NUP93: variants seen among roughly 807,000 people sequenced by gnomAD.
NUP93 encodes the protein nuclear pore complex protein Nup93.
In NUP93, 55 loss-of-function variants were observed where a neutral mutation model predicts 107.8. The observed-to-expected ratio is 0.51, with a 90% confidence interval of 0.41 to 0.64. The LOEUF (loss-of-function observed/expected upper bound fraction) is 0.64, where lower values mean the gene tolerates loss of function less well. Ranked by LOEUF, NUP93 falls within the 30% of genes least tolerant of loss-of-function variation. The probability of loss-of-function intolerance (pLI) is 0.00; values close to 1 mark genes in which losing one functional copy is unlikely to be tolerated. For missense variants in NUP93, 937 were observed against 1,044.7 expected, an observed-to-expected ratio of 0.90 and a Z score of 1.42; for synonymous variants, 390 against 397.5, an observed-to-expected ratio of 0.98 and a Z score of 0.22.
Position 56,844,623 on chromosome 16 carries a change from T to G in NUP93, c.*14T>G, listed in dbSNP as rs116457776. On this transcript the variant is annotated 3_prime_UTR_variant, in exon 22 of 22. Coordinates refer to ENST00000308159, the MANE Select transcript of NUP93 (RefSeq NM_014669.5). ...CTCATGAATTAAGTGCCATGCTTTG[T>G]GGGAGTCTGGGTCGGCACACTGTCA... 8.0e-4 allele frequency: 1,247 copies of G among 1,566,082 alleles called. 8 individuals carry two copies. The African/African-American group carries it at 0.015, about 19-fold the overall frequency.
At chr16:56,756,545 G>A (rs572423531) in intron 2 of NUP93, among the ~76,000 whole-genome samples, 54 of 152,194 alleles carry the variant, frequency 3.5e-4, no homozygotes, top group African/African-American at 1.3e-3. Flanking sequence ...GTCTATCATT[G>A]ATGGGCATTT....
chr16:56,743,553 CT>C (rs1218529308), intron 1 of NUP93, among the ~76,000 whole-genome samples: 3 of 152,056 alleles, frequency 2.0e-5, no homozygotes, highest in Non-Finnish European at 2.9e-5. Flanking sequence ...ACTGCAGCTT[CT>C]GAAAAAAGGT....
Position 56,830,559 on chromosome 16 carries a change from C to A in NUP93, c.959C>A (p.Ala320Glu). The change falls in exon 10 of 22, where the codon GCG becomes GAG. Residue 320 changes from alanine to glutamate, a missense_variant. Transcript: ENST00000308159. ...DGEVEGHPVWALIYYCMRCGD... is the reference protein window; with the variant it reads ...DGEVEGHPVWELIYYCMRCGD... ...GAGGTGGAAGGCCATCCTGTGTGGGCGCTAATTTACTACTGCATGCGCTGT... is the reference window on the plus strand; with the variant it reads ...GAGGTGGAAGGCCATCCTGTGTGGGAGCTAATTTACTACTGCATGCGCTGT... 1 of 1,595,416 alleles carries A rather than the reference C, an allele frequency of 6.3e-7. No homozygotes were observed. Among genetic ancestry groups the A allele is most frequent in the Non-Finnish European group, 8.6e-7 (1 of 1,165,172 alleles).
Position 56,806,609 on chromosome 16 carries a change from CT to C in NUP93, c.489+980del, listed in dbSNP as rs144683499. Among the ~76,000 whole-genome samples the C allele has an allele frequency of 3.2e-3, 480 of 152,266 alleles. 4 individuals carry two copies. Among genetic ancestry groups the C allele is most frequent in the African/African-American group, 0.011 (443 of 41,556 alleles). Reference sequence around the variant, plus strand: ...CATGGCTGTTGGCAAACCTTAGGTCCTTTCTGGCTCTTGGCTGCAGAAATTA... The same window carrying C: ...CATGGCTGTTGGCAAACCTTAGGTCCTTCTGGCTCTTGGCTGCAGAAATTA... On this transcript the variant is annotated intron_variant, in intron 5 of 21. Transcript: ENST00000308159.
intron 2 of NUP93, 57 bp from the exon 3 acceptor site, chr16:56,758,481 A>G: frequency 7.8e-7 from 1 of 1,286,704 alleles, no homozygotes; most frequent in African/African-American, 1.5e-5. Flanking sequence ...TAGATGTCCT[A>G]ATCCTAATCC....
chr16:56,766,650 A>C (rs560763725), intron 3 of NUP93, among the ~76,000 whole-genome samples: 2 of 152,306 alleles, frequency 1.3e-5, no homozygotes, highest in Non-Finnish European at 2.9e-5. Context: ...TGCTTGCCAC[A>C]GCACCTTGTG....
chr16:56,794,741 A>G (rs1370372646), intron 3 of NUP93, among the ~76,000 whole-genome samples: 3 of 151,950 alleles, frequency 2.0e-5, no homozygotes, highest in Non-Finnish European at 4.4e-5. Flanking sequence ...ATCCTGGCTA[A>G]CACGGTGAAA....
intron 3 of NUP93, among the ~76,000 whole-genome samples, chr16:56,789,233 G>A (rs1434243390): frequency 6.6e-6 from 1 of 152,142 alleles, no homozygotes; most frequent in East Asian, 1.9e-4. Context: ...GCCCTTTGCT[G>A]GTCCAGAAGG....
Position 56,805,575 on chromosome 16 carries a change from T to C in NUP93, c.432T>C (p.Ile144=). ...LVEWEQVKQR[I]LHTLLASGED... is the part of the protein sequence containing the mutation. ...AGTGGGAGCAAGTGAAACAGCGAAT[T>C]CTGCACACACTGCTGGCATCAGGAG... The change falls in exon 5 of 22, where the codon ATT becomes ATC. Residue 144 remains isoleucine (I), a synonymous_variant. Coordinates refer to ENST00000308159, the MANE Select transcript of NUP93 (RefSeq NM_014669.5). 2 of 1,614,100 alleles carry C rather than the reference T, an allele frequency of 1.2e-6. No homozygotes were observed. Among genetic ancestry groups the C allele is most frequent in the Non-Finnish European group, 1.7e-6 (2 of 1,179,990 alleles).
intron 3 of NUP93, among the ~76,000 whole-genome samples, chr16:56,771,217 T>TA (rs2144504197): frequency 6.6e-6 from 1 of 152,350 alleles, no homozygotes; most frequent in Admixed American, 6.5e-5. Flanking sequence ...ATTTGTATAA[T>TA]ACTTTACAGT....
chr16:56,801,761 G>C (rs1157923514), intron 4 of NUP93, among the ~76,000 whole-genome samples: 2 of 152,160 alleles, frequency 1.3e-5, no homozygotes, highest in African/African-American at 4.8e-5. Flanking sequence ...TAAATGAGTA[G>C]CCTGGCATAC....
chr16:56,760,164 G>A (rs1368665321), intron 3 of NUP93, among the ~76,000 whole-genome samples: 1 of 152,124 alleles, frequency 6.6e-6, no homozygotes, highest in African/African-American at 2.4e-5. Flanking sequence ...TGGAATGAGC[G>A]CATCAGAGCT....
In NUP93 at chr16:56,848,872, A is replaced by T. The variant is rs1318030785; in HGVS notation, c.*4263A>T. On this transcript the variant is annotated 3_prime_UTR_variant, in exon 22 of 22. Transcript: ENST00000308159. ...CCCAGAGTTGTGCATAATTCTTTAA[A>T]AGTAGGCTCGTTTTTTTCGTTTTTT... The T allele has an allele frequency of 6.6e-6, 1 of 152,200 alleles. No individual in the cohort carries two copies. Among genetic ancestry groups the T allele is most frequent in the African/African-American group, 2.4e-5 (1 of 41,448 alleles). 9.4% of individuals were successfully genotyped at this position (152,200 alleles called of 1,614,324 possible).
At chr16:56,784,400 A>G (rs1359752580) in intron 3 of NUP93, among the ~76,000 whole-genome samples, 1 of 152,228 alleles carries the variant, frequency 6.6e-6, no homozygotes, top group African/African-American at 2.4e-5. Context: ...AAAGATCAAT[A>G]GATTGAGGCT....
At chr16:56,771,593 G>A (rs374819489) in intron 3 of NUP93, among the ~76,000 whole-genome samples, 4 of 152,136 alleles carry the variant, frequency 2.6e-5, no homozygotes, top group African/African-American at 9.7e-5. Context: ...CCTCCAGCAC[G>A]AAAGACTTGC....
intron 5 of NUP93, among the ~76,000 whole-genome samples, chr16:56,806,839 A>T (rs1963152121): frequency 6.6e-6 from 1 of 152,182 alleles, no homozygotes; most frequent in African/African-American, 2.4e-5. Flanking sequence ...AGAGGATTAT[A>T]CAAGGGCTTG....
At chr16:56,833,485 AC>A in intron 13 of NUP93, 79 bp downstream of exon 13, 1 of 1,176,038 alleles carries the variant, frequency 8.5e-7, no homozygotes, top group African/African-American at 1.6e-5. Flanking sequence ...CAAAACCACA[AC>A]CAATAAGGAT....
intron 3 of NUP93, among the ~76,000 whole-genome samples, chr16:56,791,257 T>A (rs1411909542): frequency 1.3e-5 from 2 of 152,228 alleles, no homozygotes; most frequent in Non-Finnish European, 2.9e-5. Flanking sequence ...TATTGCCTTG[T>A]AAGCCCAAAT....
intron 2 of NUP93, among the ~76,000 whole-genome samples, chr16:56,752,655 C>G (rs1301456890): frequency 1.3e-5 from 2 of 152,074 alleles, no homozygotes; most frequent in African/African-American, 2.4e-5. Flanking sequence ...CAAGCTGATT[C>G]TAAAATCCAT....
Sources: gnomAD v4.1 joint callset for allele counts (sites outside exome capture counted in the v4.1 genomes callset) on GRCh38, gnomAD v4.1.1 for gene constraint, MANE v1.5 for transcripts, NCBI Gene and HGNC (gene_info 2026-07-23, HGNC 2026-07-21) for gene names.